The following RARB variants were observed in gnomAD, a reference collection of about 807,000 sequenced individuals.
RARB encodes retinoic acid receptor beta.
RARB carries 17 observed loss-of-function variants against 51.9 expected under a neutral mutation model. The ratio of observed to expected loss-of-function variants is 0.33; its 90% CI spans 0.22 to 0.49. The LOEUF (loss-of-function observed/expected upper bound fraction) is 0.49. Ranked by LOEUF, RARB falls within the 20% of genes least tolerant of loss-of-function variation. The probability of loss-of-function intolerance (pLI) is 0.99; values close to 1 mark genes in which losing one functional copy is unlikely to be tolerated. For missense variants in RARB, 369 were observed against 550.8 expected, an observed-to-expected ratio of 0.67 and a Z score of 3.30; for synonymous variants, 215 against 195.4, an observed-to-expected ratio of 1.10 and a Z score of -0.84.
intron 1 of RARB, among the ~76,000 whole-genome samples, chr3:25,437,678 T>C (rs1215727241): frequency 2.0e-5 from 3 of 152,168 alleles, no homozygotes; most frequent in Non-Finnish European, 4.4e-5. Flanking sequence ...TCAAGTGGAT[T>C]ATACATTTTT....
At chr3:25,086,213 A>T (rs996984216) in intron 3 of RARB, among the ~76,000 whole-genome samples, 1 of 152,188 alleles carries the variant, frequency 6.6e-6, no homozygotes, top group African/African-American at 2.4e-5. Context: ...CCTGAATCAT[A>T]TGCCCATCCC....
At chr3:25,083,546 C>G (rs1375448115) in intron 3 of RARB, among the ~76,000 whole-genome samples, 1 of 152,006 alleles carries the variant, frequency 6.6e-6, no homozygotes, top group Non-Finnish European at 1.5e-5. Context: ...CTCATTATGT[C>G]CATCTTTTAT....
In RARB at chr3:25,037,315, C is replaced by T. The variant is rs1162522587; in HGVS notation, c.-379-22810C>T. Among the ~76,000 whole-genome samples, 9 of 149,688 alleles carry T rather than the reference C, an allele frequency of 6.0e-5. No individual in the cohort carries two copies. In the South Asian group the frequency reaches 6.3e-4, roughly 11 times the overall value. ...AATAAAGTTTCAAAGAAGTTTTAGT[C>T]GCTGTTCTTCTTAATGTAGACTGTG... On this transcript the variant is annotated intron_variant, in intron 2 of 11. Transcript: ENST00000383772.
At chr3:25,225,044 A>T (rs577099077) in intron 5 of RARB, among the ~76,000 whole-genome samples, 1 of 152,326 alleles carries the variant, frequency 6.6e-6, no homozygotes, top group African/African-American at 2.4e-5. Context: ...AACCATTAAA[A>T]TAAAACTGAA....
At chr3:25,239,224 T>G (rs186433642) in intron 5 of RARB, among the ~76,000 whole-genome samples, 38 of 152,344 alleles carry the variant, frequency 2.5e-4, no homozygotes, top group African/African-American at 8.4e-4. Flanking sequence ...ATGAATAGTT[T>G]GCAAATATTT....
At chr3:25,345,664 C>CAAAA (rs71061207) in intron 5 of RARB, among the ~76,000 whole-genome samples, 2 of 96,484 alleles carry the variant, frequency 2.1e-5, no homozygotes, top group Non-Finnish European at 2.1e-5. Flanking sequence ...GACTCCGTCT[C>CAAAA]AAAAAAAAAA....
chr3:25,557,644 A>G (rs1364037576), intron 3 of RARB, among the ~76,000 whole-genome samples: 1 of 152,084 alleles, frequency 6.6e-6, no homozygotes, highest in Admixed American at 6.5e-5. Flanking sequence ...ACTTCCCTAC[A>G]GTCCCTCCCT....
chr3:25,132,323 C>A (rs763325275), intron 4 of RARB, among the ~76,000 whole-genome samples: 1 of 151,772 alleles, frequency 6.6e-6, no homozygotes, highest in African/African-American at 2.4e-5. Flanking sequence ...AGTAGCTTGC[C>A]GTCTTGTGCT....
intron 5 of RARB, among the ~76,000 whole-genome samples, chr3:25,311,820 C>G (rs1704297151): frequency 6.6e-6 from 1 of 152,168 alleles, no homozygotes; most frequent in Admixed American, 6.5e-5. Flanking sequence ...ATGACACAAA[C>G]TCTCAAAAAA....
chr3:25,543,351 G>T (rs766826545), intron 3 of RARB, among the ~76,000 whole-genome samples: 1 of 152,010 alleles, frequency 6.6e-6, no homozygotes, highest in Non-Finnish European at 1.5e-5. Context: ...TTTCCTAAAG[G>T]CACCTCGCTC....
intron 2 of RARB, among the ~76,000 whole-genome samples, chr3:24,918,774 C>G (rs1288719749): frequency 6.6e-6 from 1 of 152,016 alleles, no homozygotes; most frequent in Non-Finnish European, 1.5e-5. Flanking sequence ...GCCTGTAATC[C>G]CAGCTACCCA....
chr3:25,181,417 T>C (rs1404507000), intron 5 of RARB, among the ~76,000 whole-genome samples: 1 of 152,190 alleles, frequency 6.6e-6, no homozygotes, highest in Admixed American at 6.5e-5. Flanking sequence ...CATTTCATCT[T>C]TGCGGAATGA....
intron 3 of RARB, among the ~76,000 whole-genome samples, chr3:25,533,725 T>A (rs1013639355): frequency 6.6e-6 from 1 of 152,162 alleles, no homozygotes; most frequent in Non-Finnish European, 1.5e-5. Context: ...TATTAGACAA[T>A]GCTAAATGAA....
At chr3:25,138,847 T>C (rs1166598821) in intron 4 of RARB, among the ~76,000 whole-genome samples, 2 of 152,196 alleles carry the variant, frequency 1.3e-5, no homozygotes, top group Admixed American at 1.3e-4. Flanking sequence ...ATTGTATATT[T>C]TACAAATTGA....
At chr3:25,334,079 G>A (rs1704986786) in intron 5 of RARB, among the ~76,000 whole-genome samples, 1 of 152,200 alleles carries the variant, frequency 6.6e-6, no homozygotes, top group Non-Finnish European at 1.5e-5. Flanking sequence ...CACTGTTGGT[G>A]GGACTGTAAA....
chr3:25,479,700 C>G (rs1189130067), intron 2 of RARB, among the ~76,000 whole-genome samples: 1 of 152,278 alleles, frequency 6.6e-6, no homozygotes, highest in African/African-American at 2.4e-5. Context: ...CATTTCATTA[C>G]CACCTACCAA....
intron 5 of RARB, among the ~76,000 whole-genome samples, chr3:25,302,935 G>A (rs756223753): frequency 3.9e-5 from 6 of 152,206 alleles, no homozygotes; most frequent in Non-Finnish European, 8.8e-5. Context: ...GAGAAAGGGA[G>A]ATAAATTGCT....
chr3:25,123,215 A>G (rs1699811511), intron 3 of RARB, among the ~76,000 whole-genome samples: 1 of 152,054 alleles, frequency 6.6e-6, no homozygotes, highest in Non-Finnish European at 1.5e-5. Context: ...TGTGCTTCTC[A>G]CCTTCCATTA....
chr3:25,542,127 C>T (rs1575502033), intron 3 of RARB, among the ~76,000 whole-genome samples: 2 of 152,210 alleles, frequency 1.3e-5, no homozygotes, highest in African/African-American at 2.4e-5. Flanking sequence ...TCAGCTAATG[C>T]TATCAGCTAA....
Sources: gnomAD v4.1 joint callset for allele counts (sites outside exome capture counted in the v4.1 genomes callset) on GRCh38, gnomAD v4.1.1 for gene constraint, MANE v1.5 for transcripts, NCBI Gene and HGNC (gene_info 2026-07-23, HGNC 2026-07-21) for gene names.